Variants in ZMAT4 observed in about 807,000 individuals in gnomAD.
ZMAT4 encodes zinc finger matrin-type 4.
In ZMAT4, 17 loss-of-function variants were observed where a neutral mutation model predicts 28.7. The ratio of observed to expected loss-of-function variants is 0.59; its 90% confidence interval spans 0.41 to 0.89. The LOEUF (loss-of-function observed/expected upper bound fraction) is 0.89, where lower values mean the gene tolerates loss of function less well. ZMAT4 is among the 40% of genes least tolerant of loss of function. ZMAT4 has a pLI of 0.00. For missense variants in ZMAT4, 240 were observed against 283.8 expected, an observed-to-expected ratio of 0.85 and a Z score of 1.11; for synonymous variants, 117 against 109.2, an observed-to-expected ratio of 1.07 and a Z score of -0.44.
At chr8:40,866,833 A>C (rs1022619519) in intron 1 of ZMAT4, among the ~76,000 whole-genome samples, 1 of 152,206 alleles carries the variant, frequency 6.6e-6, no homozygotes, top group Non-Finnish European at 1.5e-5. Context: ...ATATGCATGC[A>C]TGCATGCAAC....
rs1319363121 is a variant in ZMAT4, at chr8:40,583,046, T to C, written c.578-1785A>G. On this transcript the variant is annotated intron_variant, in intron 5 of 6. Transcript: ENST00000297737. ...AGAGACTGAAGAAGAAAGAAAGAAA[T>C]GGGTAGAGACTTTCTTAAGAGAGAG... 2.0e-5 allele frequency among the ~76,000 whole-genome samples: 3 copies of C among 152,038 alleles called. No individual in the cohort carries two copies. The East Asian group carries it at 5.8e-4, about 29-fold the overall frequency.
intron 5 of ZMAT4, among the ~76,000 whole-genome samples, chr8:40,659,629 T>C (rs1585835558): frequency 6.6e-6 from 1 of 152,258 alleles, no homozygotes; most frequent in Middle Eastern, 3.4e-3. Context: ...GGTGCAATTA[T>C]TCACAATCGA....
intron 5 of ZMAT4, among the ~76,000 whole-genome samples, chr8:40,654,137 C>T (rs1244243235): frequency 6.6e-6 from 1 of 152,208 alleles, no homozygotes; most frequent in East Asian, 1.9e-4. Context: ...ATCTGCTAGT[C>T]ATAGGCAAAA....
At chr8:40,803,578 C>G (rs1253090282) in intron 2 of ZMAT4, among the ~76,000 whole-genome samples, 1 of 152,172 alleles carries the variant, frequency 6.6e-6, no homozygotes, top group African/African-American at 2.4e-5. Flanking sequence ...ATCCAGAACA[C>G]TGACAATAGT....
chr8:40,785,575 G>A (rs373091627), intron 2 of ZMAT4, among the ~76,000 whole-genome samples: 3 of 152,208 alleles, frequency 2.0e-5, no homozygotes, highest in Non-Finnish European at 4.4e-5. Flanking sequence ...CAAACACATG[G>A]TCAGGATTCT....
intron 3 of ZMAT4, among the ~76,000 whole-genome samples, chr8:40,734,868 G>A (rs572363360): frequency 1.3e-5 from 2 of 152,148 alleles, no homozygotes; most frequent in Non-Finnish European, 2.9e-5. Flanking sequence ...CATTAATACA[G>A]AAATTAAATA....
chr8:40,631,623 TG>T (rs1263327550), intron 5 of ZMAT4, among the ~76,000 whole-genome samples: 3 of 152,154 alleles, frequency 2.0e-5, no homozygotes, highest in Non-Finnish European at 1.5e-5. Flanking sequence ...GATCAGGAGA[TG>T]GGGGAGATAG....
chr8:40,825,591 C>A lies in ZMAT4; in HGVS notation c.86G>T (p.Arg29Leu), dbSNP rs1179422965. Residue 29 changes from arginine (R) to leucine (L), a missense_variant, in exon 2 of 7, where the codon CGT (arginine) becomes CTT (leucine). By Grantham distance (102) the Arg-to-Leu change is moderately radical. Coordinates refer to ENST00000297737, the MANE Select transcript of ZMAT4 (RefSeq NM_024645.3). ...TGTCCTTACCTCGTAGTGGGCCACA[C>A]GCTGCGATTCGGAGATCAGCTGTGC... Reference protein sequence around the residue: ...CSAQLISESQRVAHYESRKHA... With the variant: ...CSAQLISESQLVAHYESRKHA... 6.4e-7 allele frequency: 1 copy of A among 1,552,916 alleles called. No homozygotes were observed. The highest frequency in any genetic ancestry group is 1.2e-5 in the South Asian group (1 of 84,166).
chr8:40,732,376 C>T (rs1205209099), intron 3 of ZMAT4, among the ~76,000 whole-genome samples: 1 of 152,182 alleles, frequency 6.6e-6, no homozygotes, highest in Non-Finnish European at 1.5e-5. Flanking sequence ...AGCCTAGGCA[C>T]ACACTTGGCA....
chr8:40,639,771 T>TACACACACACAC lies in ZMAT4; in HGVS notation c.577+34921_577+34932dup, dbSNP rs10676366. On this transcript the variant is annotated intron_variant, in intron 5 of 6. Transcript: ENST00000297737. ...AACTAACAAAATTAAGTCCTTTTGT[T>TACACACACACAC]ACACACACACACACACACACACACA... is the stretch of plus-strand genomic sequence containing the variant. Among the ~76,000 whole-genome samples the TACACACACACAC allele has an allele frequency of 2.5e-3, 359 of 146,456 alleles. 2 individuals carry two copies. The highest frequency in any genetic ancestry group is 7.6e-3 in the African/African-American group (300 of 39,686).
intron 5 of ZMAT4, among the ~76,000 whole-genome samples, chr8:40,595,258 C>A (rs1241189574): frequency 6.6e-6 from 1 of 152,090 alleles, no homozygotes; most frequent in Non-Finnish European, 1.5e-5. Context: ...AGTAGCAATA[C>A]CTTTCCAACT....
At chr8:40,653,355 CA>C (rs1485136508) in intron 5 of ZMAT4, among the ~76,000 whole-genome samples, 2 of 151,024 alleles carry the variant, frequency 1.3e-5, no homozygotes, top group Admixed American at 6.6e-5. Context: ...AGAAATAGAG[CA>C]AAATACTCAA....
intron 6 of ZMAT4, among the ~76,000 whole-genome samples, chr8:40,566,145 T>C (rs1803918195): frequency 6.6e-6 from 1 of 152,178 alleles, no homozygotes; most frequent in East Asian, 1.9e-4. Context: ...AAAGTTCTGA[T>C]GTTCCTCCGC....
chr8:40,696,100 ACAACCTGT>A, intron 4 of ZMAT4, among the ~76,000 whole-genome samples: 1 of 152,118 alleles, frequency 6.6e-6, no homozygotes, highest in South Asian at 2.1e-4. Context: ...AGGCTGAAAC[ACAACCTGT>A]GCCCCCAAAC....
At chr8:40,868,384 G>C (rs533126816) in intron 1 of ZMAT4, among the ~76,000 whole-genome samples, 1 of 152,256 alleles carries the variant, frequency 6.6e-6, no homozygotes, top group Admixed American at 6.5e-5. Context: ...CTGCCTGCAG[G>C]AGCAGCTAAG....
chr8:40,720,967 G>GTTTT (rs869171269), intron 3 of ZMAT4, among the ~76,000 whole-genome samples: 10 of 135,288 alleles, frequency 7.4e-5, no homozygotes, highest in African/African-American at 2.6e-4. Context: ...GTTTATTTGT[G>GTTTT]TTTTGTTTGT....
chr8:40,755,425 T>G (rs185446610), intron 3 of ZMAT4, among the ~76,000 whole-genome samples: 8 of 152,258 alleles, frequency 5.3e-5, no homozygotes, highest in African/African-American at 1.9e-4. Context: ...CCAATAAGAT[T>G]TTCTATTTAT....
rs1814284707 is a variant in ZMAT4, at chr8:40,790,646, A to T, written c.103-22916T>A. On this transcript the variant is annotated intron_variant, in intron 2 of 6. Coordinates refer to ENST00000297737, the MANE Select transcript of ZMAT4 (RefSeq NM_024645.3). ...TGTTGAGAAAAATTGAAAACAAAAA[A>T]ATTGAGAGATATATTAATACTATGG... 2.0e-5 allele frequency among the ~76,000 whole-genome samples: 3 copies of T among 152,334 alleles called. No individual in the cohort carries two copies. In the South Asian group the frequency reaches 6.2e-4, roughly 32 times the overall value.
In ZMAT4 at chr8:40,627,855, GA is replaced by G. The variant is rs1484265767; in HGVS notation, c.578-46595del. Among the ~76,000 whole-genome samples the G allele has an allele frequency of 2.0e-5, 3 of 152,124 alleles. No individual in the cohort carries two copies. In the East Asian group the frequency reaches 5.8e-4, roughly 30 times the overall value. ...TCCTTTGAGGGGATGGGGCGGGAGG[GA>G]AAGATAAGTCCATAGCTGTGAAGGC... is the stretch of plus-strand genomic sequence containing the variant. On this transcript the variant is annotated intron_variant, in intron 5 of 6. Transcript: ENST00000297737.
Sources: gnomAD v4.1 joint callset for allele counts (sites outside exome capture counted in the v4.1 genomes callset) on GRCh38, gnomAD v4.1.1 for gene constraint, MANE v1.5 for transcripts, NCBI Gene and HGNC (gene_info 2026-07-23, HGNC 2026-07-21) for gene names.